The following R3HDM2 variants were observed in gnomAD, a reference collection of about 807,000 sequenced individuals.
The protein encoded by R3HDM2 is R3H domain containing 2.
R3HDM2 carries 38 observed loss-of-function variants against 124.5 expected under a neutral mutation model. The ratio of observed to expected loss-of-function variants is 0.31; its 90% CI spans 0.24 to 0.40. The LOEUF is 0.40. Ranked by LOEUF, R3HDM2 falls within the 10% of genes least tolerant of loss-of-function variation. The pLI is 1.00. For missense variants in R3HDM2, 869 were observed against 1,236.9 expected, an observed-to-expected ratio of 0.70 and a Z score of 4.46; for synonymous variants, 391 against 448.0, an observed-to-expected ratio of 0.87 and a Z score of 1.61.
chr12:57,390,562 C>T (rs774898003), intron 2 of R3HDM2, among the ~76,000 whole-genome samples: 2 of 151,834 alleles, frequency 1.3e-5, no homozygotes, highest in South Asian at 2.1e-4. Flanking sequence ...CCAAGCAAGG[C>T]GGAATGTACC....
chr12:57,389,272 C>T (rs1420746593), intron 2 of R3HDM2, among the ~76,000 whole-genome samples: 4 of 152,174 alleles, frequency 2.6e-5, no homozygotes, highest in Non-Finnish European at 5.9e-5. Context: ...TTGAAAATAG[C>T]TGACTAATAT....
Position 57,268,462 on chromosome 12 carries a change from G to A in R3HDM2, c.1876-5C>T. ...CGAGTCACTACCCACTGGAACCTGGGTGAGAAAGAGAAGAGAAAGAATCAC... is the reference window on the plus strand; with the variant it reads ...CGAGTCACTACCCACTGGAACCTGGATGAGAAAGAGAAGAGAAAGAATCAC... On this transcript the variant is annotated splice_polypyrimidine_tract_variant and splice_region_variant and intron_variant, in intron 17 of 23. Coordinates refer to ENST00000402412, the MANE Select transcript of R3HDM2 (RefSeq NM_001394031.1). The A allele has an allele frequency of 6.2e-7, 1 of 1,613,584 alleles. No homozygotes were observed. Among genetic ancestry groups the A allele is most frequent in the Non-Finnish European group, 8.5e-7 (1 of 1,179,756 alleles).
intron 2 of R3HDM2, among the ~76,000 whole-genome samples, chr12:57,386,032 A>G (rs2065686323): frequency 6.6e-6 from 1 of 152,220 alleles, no homozygotes; most frequent in African/African-American, 2.4e-5. Flanking sequence ...AAATAATTAC[A>G]AAAATAAAAA....
chr12:57,279,388 G>T (rs1336114611), intron 14 of R3HDM2, among the ~76,000 whole-genome samples: 1 of 151,046 alleles, frequency 6.6e-6, no homozygotes, highest in Admixed American at 6.6e-5. Context: ...TCACCATGTT[G>T]GGCAGGCTGG....
At chr12:57,348,113 T>C (rs1048626904) in intron 2 of R3HDM2, among the ~76,000 whole-genome samples, 2 of 152,176 alleles carry the variant, frequency 1.3e-5, no homozygotes, top group Non-Finnish European at 2.9e-5. Context: ...AATATATCAC[T>C]GTAAGTGGAA....
intron 2 of R3HDM2, among the ~76,000 whole-genome samples, chr12:57,317,574 C>G (rs534016895): frequency 6.7e-6 from 1 of 149,076 alleles, no homozygotes; most frequent in African/African-American, 2.5e-5. Flanking sequence ...GTTATAAATC[C>G]TCTTACCATT....
At chr12:57,294,947 A>G (rs910463440) in intron 10 of R3HDM2, among the ~76,000 whole-genome samples, 5 of 152,266 alleles carry the variant, frequency 3.3e-5, no homozygotes, top group Non-Finnish European at 7.3e-5. Flanking sequence ...GGTAAATTAG[A>G]TCACAACTTT....
chr12:57,304,355 T>A (rs1035731331), intron 3 of R3HDM2: 4 of 238,176 alleles, frequency 1.7e-5, no homozygotes, highest in African/African-American at 9.3e-5. Flanking sequence ...TGGGTAGGGT[T>A]ATATATGGGG....
chr12:57,409,843 T>C (rs1411100548), intron 1 of R3HDM2, among the ~76,000 whole-genome samples: 1 of 152,118 alleles, frequency 6.6e-6, no homozygotes, highest in African/African-American at 2.4e-5. Flanking sequence ...TGAAGACAGC[T>C]CGTTTTTCCA....
chr12:57,286,619 C>T (rs575426942), intron 12 of R3HDM2, among the ~76,000 whole-genome samples: 2 of 152,216 alleles, frequency 1.3e-5, no homozygotes, highest in African/African-American at 2.4e-5. Context: ...CGGTGGCTCA[C>T]GCCTGTAATA....
chr12:57,256,350 G>C, intron 22 of R3HDM2, 64 bp downstream of exon 22: 1 of 1,360,798 alleles, frequency 7.3e-7, no homozygotes, highest in African/African-American at 1.5e-5. Flanking sequence ...TTGAAGCTCA[G>C]ACACAGGCAC....
At chr12:57,384,130 G>A (rs1183301941) in intron 2 of R3HDM2, among the ~76,000 whole-genome samples, 1 of 152,148 alleles carries the variant, frequency 6.6e-6, no homozygotes, top group African/African-American at 2.4e-5. Context: ...GGGAGGTCGA[G>A]GCGGGTGGAT....
At chr12:57,295,735 T>A (rs1446660099) in intron 9 of R3HDM2, 2 of 491,582 alleles carry the variant, frequency 4.1e-6, no homozygotes, top group East Asian at 6.8e-5. Context: ...ATCAGTGAAG[T>A]GAAGAGAGGC....
chr12:57,329,851 C>T (rs2057883080), intron 2 of R3HDM2, among the ~76,000 whole-genome samples: 1 of 152,134 alleles, frequency 6.6e-6, no homozygotes, highest in Non-Finnish European at 1.5e-5. Flanking sequence ...TTTCTCTCAG[C>T]AATGTTTTAT....
At chr12:57,429,266 A>T (rs1186626453) in intron 1 of R3HDM2, among the ~76,000 whole-genome samples, 1 of 152,130 alleles carries the variant, frequency 6.6e-6, no homozygotes, top group Non-Finnish European at 1.5e-5. Flanking sequence ...TAATGGACAC[A>T]AAGACAAATG....
chr12:57,371,113 T>TTTTTTTTTA (rs71084748), intron 2 of R3HDM2, among the ~76,000 whole-genome samples: 1 of 101,850 alleles, frequency 9.8e-6, no homozygotes, highest in African/African-American at 3.5e-5. Flanking sequence ...TTTTTTTTTT[T>TTTTTTTTTA]AAGATACACA....
chr12:57,317,146 C>T (rs1029766589), intron 2 of R3HDM2, among the ~76,000 whole-genome samples: 1 of 150,692 alleles, frequency 6.6e-6, no homozygotes, highest in African/African-American at 2.4e-5. Context: ...CCTCTCAAAG[C>T]GATTGGAATA....
At chr12:57,259,233 C>CA (rs1292618630) in intron 19 of R3HDM2, among the ~76,000 whole-genome samples, 174 bp from the exon 20 acceptor site, 1 of 152,232 alleles carries the variant, frequency 6.6e-6, no homozygotes, top group Non-Finnish European at 1.5e-5. Flanking sequence ...TCCATCTTCT[C>CA]AAACCAGTAG....
intron 19 of R3HDM2, among the ~76,000 whole-genome samples, chr12:57,265,596 C>T (rs1453541121): frequency 6.6e-6 from 1 of 152,046 alleles, no homozygotes; most frequent in Admixed American, 6.6e-5. Context: ...AGAGACATAG[C>T]TTTTCAGGGC....
Sources: allele counts gnomAD v4.1 joint callset (sites outside exome capture counted in the v4.1 genomes callset), GRCh38; gene constraint gnomAD v4.1.1; transcripts MANE v1.5; gene names NCBI Gene and HGNC (gene_info 2026-07-23, HGNC 2026-07-21).